The following UNC13C variants were observed in gnomAD, a reference collection of about 807,000 sequenced individuals.
The protein encoded by UNC13C is protein unc-13 homolog C.
In UNC13C, 174 loss-of-function variants were observed where a neutral mutation model predicts 245.4. That is an observed-to-expected ratio of 0.71 (90% CI 0.63 to 0.80). UNC13C has a LOEUF of 0.80. UNC13C is among the 30% of genes least tolerant of loss of function. The pLI, the probability that UNC13C is intolerant of heterozygous loss-of-function variation, is 0.00. For synonymous variants in UNC13C, 992 were observed against 895.1 expected (o/e 1.11, Z -1.93); for missense variants, 2,829 against 2,602.9 (o/e 1.09, Z -1.89).
chr15:54,130,656 C>T (rs989414481), intron 2 of UNC13C, among the ~76,000 whole-genome samples: 3 of 152,140 alleles, frequency 2.0e-5, no homozygotes, highest in African/African-American at 7.2e-5. Context: ...GGTATGAATT[C>T]TGAACCTACA....
chr15:54,207,214 A>C (rs2140738186), intron 4 of UNC13C, among the ~76,000 whole-genome samples: 1 of 152,122 alleles, frequency 6.6e-6, no homozygotes, highest in East Asian at 1.9e-4. Context: ...TTGATTCCTG[A>C]TGTGGCAGTG....
chr15:54,086,365 A>T (rs1899239126), intron 2 of UNC13C, among the ~76,000 whole-genome samples: 1 of 152,192 alleles, frequency 6.6e-6, no homozygotes, highest in Non-Finnish European at 1.5e-5. Context: ...TTTCCTTTGC[A>T]AAAGGGATTT....
chr15:54,129,174 G>A (rs781665027), intron 2 of UNC13C, among the ~76,000 whole-genome samples: 2 of 152,206 alleles, frequency 1.3e-5, no homozygotes, highest in Non-Finnish European at 2.9e-5. Context: ...TTTCCTGGAA[G>A]TGGAAGTTCC....
intron 1 of UNC13C, among the ~76,000 whole-genome samples, chr15:53,986,410 T>G (rs1432420086): frequency 6.6e-6 from 1 of 152,066 alleles, no homozygotes; most frequent in Non-Finnish European, 1.5e-5. Context: ...CTGGATGAAT[T>G]TCTCTTATAG....
intron 29 of UNC13C, among the ~76,000 whole-genome samples, chr15:54,559,071 A>G (rs915180967): frequency 6.6e-6 from 1 of 152,020 alleles, no homozygotes; most frequent in African/African-American, 2.4e-5. Flanking sequence ...ACTACATTAT[A>G]TGTTGCAAAT....
At chr15:53,896,893 T>G in the UNC13C span, among the ~76,000 whole-genome samples, 2 of 152,162 alleles carry the variant, frequency 1.3e-5, no homozygotes, top group Non-Finnish European at 2.9e-5. Context: ...ATGAAACTAC[T>G]CCACCTGTCC....
At chr15:53,885,062 A>C in the UNC13C span, among the ~76,000 whole-genome samples, 1 of 152,222 alleles carries the variant, frequency 6.6e-6, no homozygotes, top group African/African-American at 2.4e-5. Flanking sequence ...AGTGGATCTT[A>C]ATATATATGC....
rs2035591921 is a variant in UNC13C, at chr15:54,232,926, G to A, written c.3072-2104G>A. ...CCATGTATTTGATGTTTTGAATGTG[G>A]AAGGGTCAAGTATGAATTGGCAGGG... On this transcript the variant is annotated intron_variant, in intron 4 of 32. Coordinates refer to ENST00000260323, the MANE Select transcript of UNC13C (RefSeq NM_001080534.3). Among the ~76,000 whole-genome samples, 4 of 152,128 alleles carry A rather than the reference G, an allele frequency of 2.6e-5. No individual in the cohort carries two copies. In the South Asian group the frequency reaches 8.3e-4, roughly 32 times the overall value.
At chr15:53,840,225 TG>T in the UNC13C span, among the ~76,000 whole-genome samples, 4 of 152,174 alleles carry the variant, frequency 2.6e-5, no homozygotes, top group Non-Finnish European at 5.9e-5. Flanking sequence ...GAAGAATCCA[TG>T]TTCAGTATTT....
At chr15:54,442,806 G>T (rs1024022861) in intron 19 of UNC13C, among the ~76,000 whole-genome samples, 2 of 151,982 alleles carry the variant, frequency 1.3e-5, no homozygotes, top group Non-Finnish European at 2.9e-5. Flanking sequence ...TGTGCTGTTG[G>T]ATTTGTTAGC....
chr15:54,052,908 T>C (rs1379365002), intron 2 of UNC13C, among the ~76,000 whole-genome samples: 2 of 152,234 alleles, frequency 1.3e-5, no homozygotes, highest in African/African-American at 4.8e-5. Context: ...AGAAAAGTAT[T>C]AGGTTGGTTG....
chr15:54,062,734 C>G lies in UNC13C; in HGVS notation c.2983+46848C>G, dbSNP rs536594335. On this transcript the variant is annotated intron_variant, in intron 2 of 32. Coordinates refer to ENST00000260323, the MANE Select transcript of UNC13C (RefSeq NM_001080534.3). ...CACCCAAGCATACTGCTGTTAGAAACTCTACTGGTAGAACCCAGGAATCTG... is the reference window on the plus strand; with the variant it reads ...CACCCAAGCATACTGCTGTTAGAAAGTCTACTGGTAGAACCCAGGAATCTG... 5.9e-5 allele frequency among the ~76,000 whole-genome samples: 9 copies of G among 152,314 alleles called. No homozygotes were observed. The East Asian group carries it at 1.7e-3, about 29-fold the overall frequency.
chr15:54,355,873 A>G (rs933601911), intron 17 of UNC13C, among the ~76,000 whole-genome samples: 1 of 152,160 alleles, frequency 6.6e-6, no homozygotes, highest in Non-Finnish European at 1.5e-5. Context: ...ATGTATATAT[A>G]TGCTTTCCAA....
chr15:54,143,125 C>T, intron 3 of UNC13C, 85 bp downstream of exon 3: 1 of 1,314,794 alleles, frequency 7.6e-7, no homozygotes, highest in South Asian at 1.2e-5. Context: ...CTGTTTGATT[C>T]CTCTGTTTTA....
chr15:54,375,447 G>A (rs1281563240), intron 17 of UNC13C, among the ~76,000 whole-genome samples: 1 of 152,104 alleles, frequency 6.6e-6, no homozygotes, highest in Admixed American at 6.5e-5. Context: ...CTTGCTTCTA[G>A]CCAACGGAGT....
At position 54,127,804 on chromosome 15, in the gene UNC13C, A is replaced by T. The variant is rs1450751284; in HGVS notation, c.2984-15214A>T. Among the ~76,000 whole-genome samples the T allele has an allele frequency of 3.4e-5, 5 of 146,220 alleles. No individual in the cohort carries two copies. The East Asian group carries it at 9.8e-4, about 29-fold the overall frequency. ...ATATTTAATATAATATATAATATTT[A>T]ATATATATATATTTTTAAAAGCTTG... is the stretch of plus-strand genomic sequence containing the variant. On this transcript the variant is annotated intron_variant, in intron 2 of 32. Coordinates refer to ENST00000260323, the MANE Select transcript of UNC13C (RefSeq NM_001080534.3).
Position 54,014,368 on chromosome 15 carries a change from G to A in UNC13C, c.1465G>A (p.Ala489Thr). Reference protein sequence around the residue: ...TSKPSSKSHSARSKNKTANSS... With the variant: ...TSKPSSKSHSTRSKNKTANSS... Reference sequence around the variant, plus strand: ...CAAGCCAAGCTCAAAATCACACAGTGCTAGATCCAAGAATAAAACTGCTAA... The same window carrying A: ...CAAGCCAAGCTCAAAATCACACAGTACTAGATCCAAGAATAAAACTGCTAA... The change falls in exon 2 of 33, where the codon GCT (alanine) becomes ACT (threonine). Residue 489 changes from alanine to threonine, a missense_variant. Transcript: ENST00000260323. 1 of 1,613,848 alleles carries A rather than the reference G, an allele frequency of 6.2e-7. No individual in the cohort carries two copies. Among genetic ancestry groups the A allele is most frequent in the Non-Finnish European group, 8.5e-7 (1 of 1,179,836 alleles).
the UNC13C span, among the ~76,000 whole-genome samples, chr15:53,946,476 C>G: frequency 7.1e-6 from 1 of 140,022 alleles, no homozygotes; most frequent in Non-Finnish European, 1.5e-5. Flanking sequence ...TAAACGGAGT[C>G]TTGCTGTGTC....
intron 19 of UNC13C, among the ~76,000 whole-genome samples, chr15:54,449,769 T>A (rs1891063720): frequency 6.6e-6 from 1 of 152,204 alleles, no homozygotes; most frequent in Non-Finnish European, 1.5e-5. Flanking sequence ...CCTTCTTCTC[T>A]CAGCTCATCA....
Sources: gnomAD v4.1 joint callset for allele counts (sites outside exome capture counted in the v4.1 genomes callset) on GRCh38, gnomAD v4.1.1 for gene constraint, MANE v1.5 for transcripts, NCBI Gene and HGNC (gene_info 2026-07-23, HGNC 2026-07-21) for gene names.